KDM2A: variants seen among roughly 807,000 people sequenced by gnomAD.
KDM2A encodes lysine-specific demethylase 2A.
A neutral mutation model predicts 137.3 loss-of-function variants in KDM2A; 3 were observed. The observed-to-expected ratio is 0.02, with a 90% CI of 0.01 to 0.06. The LOEUF (loss-of-function observed/expected upper bound fraction) is 0.06, where lower values mean the gene tolerates loss of function less well. KDM2A is among the 10% of genes least tolerant of loss of function. The probability of loss-of-function intolerance (pLI) is 1.00; values close to 1 mark genes in which losing one functional copy is unlikely to be tolerated. For synonymous variants in KDM2A, 512 were observed against 541.5 expected (o/e 0.95, Z 0.76); for missense variants, 738 against 1,510.6 (o/e 0.49, Z 8.48).
intron 2 of KDM2A, among the ~76,000 whole-genome samples, chr11:67,165,198 C>T (rs1413625684): frequency 6.6e-6 from 1 of 151,850 alleles, no homozygotes; most frequent in African/African-American, 2.4e-5. Context: ...CTTGGCTCAC[C>T]GCATCCTCCA....
intron 2 of KDM2A, among the ~76,000 whole-genome samples, chr11:67,134,544 G>A (rs186107029): frequency 3.3e-5 from 5 of 151,806 alleles, no homozygotes; most frequent in Admixed American, 3.3e-4. Flanking sequence ...TCAATCTGTT[G>A]CCGAGGCTGG....
At chr11:67,208,384 T>C (rs1206021349) in intron 6 of KDM2A, among the ~76,000 whole-genome samples, 1 of 152,000 alleles carries the variant, frequency 6.6e-6, no homozygotes, top group Non-Finnish European at 1.5e-5. Context: ...TGAAATCACT[T>C]AATTTTATAT....
intron 2 of KDM2A, among the ~76,000 whole-genome samples, chr11:67,163,616 G>T (rs1856682084): frequency 6.6e-6 from 1 of 152,154 alleles, no homozygotes; most frequent in Non-Finnish European, 1.5e-5. Context: ...CACTTTGGGA[G>T]GCCAAGGCAG....
Position 67,248,293 on chromosome 11 carries a change from G to T in KDM2A, c.1978G>T (p.Gly660Trp). The change falls in exon 16 of 21, where the codon GGG becomes TGG. Residue 660 changes from glycine (G) to tryptophan (W), a missense_variant. Gly to Trp is a radical substitution (Grantham distance 184). This residue lies in a region of KDM2A where 20 missense variants were observed against 62.3 expected (regional missense o/e 0.32). Transcript: ENST00000529006. Reference sequence around the variant, plus strand: ...TGTCTTCCTATAGATGGACGGAGAGGGGTTGCTTAACGAAGAATTGCCAAA... The same window carrying T: ...TGTCTTCCTATAGATGGACGGAGAGTGGTTGCTTAACGAAGAATTGCCAAA... ...HPGCLQMDGE[G>W]LLNEELPNCW... 2 of 1,606,624 alleles carry T rather than the reference G, an allele frequency of 1.2e-6. No homozygotes were observed. The highest frequency in any genetic ancestry group is 1.7e-6 in the Non-Finnish European group (2 of 1,176,260).
intron 15 of KDM2A, among the ~76,000 whole-genome samples, chr11:67,247,059 ATATATATATATATTTTTT>A (rs1565424109): frequency 1.3e-4 from 3 of 22,528 alleles, no homozygotes; most frequent in African/African-American, 5.7e-4. Flanking sequence ...ATATATATAT[ATATATATATATATTTTTT>A]TTTTTTTTTT....
intron 2 of KDM2A, among the ~76,000 whole-genome samples, chr11:67,125,112 C>T (rs1457236038): frequency 3.3e-5 from 5 of 151,758 alleles, no homozygotes; most frequent in African/African-American, 7.3e-5. Flanking sequence ...CCGCCTGCCT[C>T]GGCCTCCCAA....
chr11:67,121,610 C>T (rs1174433117), intron 2 of KDM2A, among the ~76,000 whole-genome samples: 4 of 151,832 alleles, frequency 2.6e-5, no homozygotes, highest in African/African-American at 9.7e-5. Flanking sequence ...CATTGTATAC[C>T]AAAGGATTTT....
At chr11:67,203,633 A>T (rs1226439179) in intron 5 of KDM2A, among the ~76,000 whole-genome samples, 2 of 151,408 alleles carry the variant, frequency 1.3e-5, no homozygotes, top group Non-Finnish European at 2.9e-5. Flanking sequence ...CATGCACTGT[A>T]GTCCCAGCTA....
intron 2 of KDM2A, among the ~76,000 whole-genome samples, chr11:67,136,509 C>G (rs1343455576): frequency 6.6e-6 from 1 of 152,144 alleles, no homozygotes; most frequent in East Asian, 1.9e-4. Flanking sequence ...TTATTTGGGT[C>G]TTCTAAATGC....
chr11:67,212,854 T>C (rs1858034629), intron 6 of KDM2A, among the ~76,000 whole-genome samples: 1 of 152,130 alleles, frequency 6.6e-6, no homozygotes, highest in Non-Finnish European at 1.5e-5. Context: ...TTACAGCGTA[T>C]TAAGCAAGTA....
In KDM2A at chr11:67,194,373, A is replaced by G. The variant is rs574485299; in HGVS notation, c.307+12481A>G. On this transcript the variant is annotated intron_variant, in intron 5 of 20. Transcript: ENST00000529006. ...CAAAACATCTCAACCTTGGTAACTC[A>G]GATAAAAGTCTTTCTGAGGCGTAGG... is the stretch of plus-strand genomic sequence containing the variant. 6.6e-5 allele frequency among the ~76,000 whole-genome samples: 10 copies of G among 152,302 alleles called. No individual in the cohort carries two copies. The South Asian group carries it at 1.9e-3, about 28-fold the overall frequency.
chr11:67,182,647 C>T (rs1451592895), intron 5 of KDM2A, among the ~76,000 whole-genome samples: 1 of 151,606 alleles, frequency 6.6e-6, no homozygotes, highest in Non-Finnish European at 1.5e-5. Context: ...GTTCTCCCAC[C>T]TCAGCCTCCC....
chr11:67,253,320 G>A (rs1859495320), intron 18 of KDM2A, 133 bp from the exon 19 acceptor site: 7 of 766,734 alleles, frequency 9.1e-6, no homozygotes, highest in African/African-American at 1.7e-5. Context: ...TCTTTGAGCT[G>A]GATGACTAAA....
At chr11:67,153,963 A>T (rs772139775) in intron 2 of KDM2A, among the ~76,000 whole-genome samples, 5 of 152,178 alleles carry the variant, frequency 3.3e-5, no homozygotes, top group Non-Finnish European at 5.9e-5. Flanking sequence ...ATGACACATT[A>T]TTCCTAAATG....
chr11:67,173,843 G>C (rs777437435), intron 2 of KDM2A, among the ~76,000 whole-genome samples: 19 of 152,142 alleles, frequency 1.2e-4, no homozygotes, highest in Non-Finnish European at 2.5e-4. Flanking sequence ...CTCCTGAGTA[G>C]TACAGGCGCA....
Position 67,210,850 on chromosome 11 carries a change from T to C in KDM2A, c.486+3162T>C, listed in dbSNP as rs555433407. ...TATCGACCAGGTCAAGTTTTACATTTATAGCTAGAGGCCTGGCACAGTTGC... is the reference window on the plus strand; with the variant it reads ...TATCGACCAGGTCAAGTTTTACATTCATAGCTAGAGGCCTGGCACAGTTGC... On this transcript the variant is annotated intron_variant, in intron 6 of 20. Coordinates refer to ENST00000529006, the MANE Select transcript of KDM2A (RefSeq NM_012308.3). Among the ~76,000 whole-genome samples, 31 of 152,302 alleles carry C rather than the reference T, an allele frequency of 2.0e-4. 1 individual carries two copies. Among genetic ancestry groups the C allele is most frequent in the Middle Eastern group, 6.8e-3 (2 of 294 alleles).
chr11:67,223,015 A>G (rs1307294811), intron 10 of KDM2A, among the ~76,000 whole-genome samples: 1 of 151,926 alleles, frequency 6.6e-6, no homozygotes, highest in Non-Finnish European at 1.5e-5. Context: ...CAACATGAAG[A>G]AACCCTGTCT....
At chr11:67,140,792 A>G (rs749914761) in intron 2 of KDM2A, among the ~76,000 whole-genome samples, 8 of 152,106 alleles carry the variant, frequency 5.3e-5, no homozygotes, top group Non-Finnish European at 7.4e-5. Context: ...ATTTATTTAT[A>G]TTAACCTTTC....
At chr11:67,177,623 C>T (rs1856999053) in intron 2 of KDM2A, among the ~76,000 whole-genome samples, 1 of 152,072 alleles carries the variant, frequency 6.6e-6, no homozygotes, top group African/African-American at 2.4e-5. Context: ...CACAGATGAG[C>T]TGTCATCTCC....
Sources: gnomAD v4.1 joint callset for allele counts (sites outside exome capture counted in the v4.1 genomes callset) on GRCh38, gnomAD v4.1.1 for gene constraint, gnomAD v4.1.1 regional missense constraint, MANE v1.5 for transcripts, NCBI Gene and HGNC (gene_info 2026-07-23, HGNC 2026-07-21) for gene names.